NAP1L4: variants seen among roughly 807,000 people sequenced by gnomAD.
NAP1L4 encodes nucleosome assembly protein 1-like 4.
In NAP1L4, 15 loss-of-function variants were observed where a neutral mutation model predicts 58.2. The ratio of observed to expected loss-of-function variants is 0.26; its 90% CI spans 0.17 to 0.40. The LOEUF (loss-of-function observed/expected upper bound fraction) is 0.40. Among genes scored for constraint, NAP1L4 ranks in the 10% least tolerant of loss-of-function variants. The probability of loss-of-function intolerance (pLI) is 1.00; values close to 1 mark genes in which losing one functional copy is unlikely to be tolerated. For missense variants in NAP1L4, 384 were observed against 451.1 expected (o/e 0.85, Z 1.35); for synonymous variants, 171 against 155.6 (o/e 1.10, Z -0.74).
rs1449222360 is a variant in NAP1L4 at position 2,954,655 on chromosome 11, G to T, written c.916-9C>A. 6.2e-7 allele frequency: 1 copy of T among 1,614,100 alleles called. No individual in the cohort carries two copies. Among genetic ancestry groups the T allele is most frequent in the Non-Finnish European group, 8.5e-7 (1 of 1,180,014 alleles). ...AATTCAGAATCTTCATCCTGAGGAGGAAAAACCTACGTGTTAACTCATTTT... is the reference window on the plus strand; with the variant it reads ...AATTCAGAATCTTCATCCTGAGGAGTAAAAACCTACGTGTTAACTCATTTT... On this transcript the variant is annotated splice_polypyrimidine_tract_variant and intron_variant, in intron 11 of 15. Transcript: ENST00000380542. This position sits in a 1 kb window ranked among gnomAD's most constrained non-coding sequence, Gnocchi z 4.8.
Position 2,959,233 on chromosome 11 carries a change from G to A in NAP1L4, c.746+537C>T, listed in dbSNP as rs979004845. Among the ~76,000 whole-genome samples, 4 of 152,234 alleles carry A rather than the reference G, an allele frequency of 2.6e-5. No homozygotes were observed. The highest frequency in any genetic ancestry group is 5.9e-5 in the Non-Finnish European group (4 of 68,038). ...TTACTTCTGGTAAATAAACGTAATT[G>A]TTTCAAGTCAAGACTAAAACCATTT... is the stretch of plus-strand genomic sequence containing the variant. On this transcript the variant is annotated intron_variant, in intron 9 of 15. Coordinates refer to ENST00000380542, the MANE Select transcript of NAP1L4 (RefSeq NM_005969.4). This position sits in a 1 kb window ranked among gnomAD's most constrained non-coding sequence, Gnocchi z 4.9.
intron 15 of NAP1L4, among the ~76,000 whole-genome samples, chr11:2,947,337 G>A (rs553330580): frequency 6.6e-5 from 10 of 152,366 alleles, no homozygotes; most frequent in Admixed American, 3.3e-4. Flanking sequence ...AAGACTGCTA[G>A]AGGGAATAGA....
chr11:2,991,891 G>T (rs1028029786), intron 1 of NAP1L4: 3 of 152,198 alleles, frequency 2.0e-5, no homozygotes, highest in Non-Finnish European at 2.9e-5. Context: ...AGATTTGAGC[G>T]GCCGCCGCCT....
intron 1 of NAP1L4, among the ~76,000 whole-genome samples, chr11:2,980,049 T>C (rs1277055947): frequency 1.3e-5 from 2 of 152,220 alleles, no homozygotes; most frequent in African/African-American, 4.8e-5. Context: ...AAACCTTGTG[T>C]AATATACTCA....
intron 1 of NAP1L4, chr11:2,990,435 C>T (rs1280971530): frequency 1.3e-5 from 2 of 152,160 alleles, no homozygotes; most frequent in African/African-American, 4.8e-5. Context: ...CTTCATTTTA[C>T]ATTTGCATAT....
intron 8 of NAP1L4, among the ~76,000 whole-genome samples, chr11:2,961,448 C>G (rs533182744): frequency 2.0e-5 from 3 of 149,996 alleles, no homozygotes; most frequent in Non-Finnish European, 3.0e-5. Flanking sequence ...GAGGCAGCTA[C>G]AGGGAATCAG....
chr11:2,951,741 TCAGGGAGGTAAGTGGCACTGCATAAACC>T lies in NAP1L4; in HGVS notation c.1065+11_1065+38del, dbSNP rs1564972842. 4 of 1,608,968 alleles carry T rather than the reference TCAGGGAGGTAAGTGGCACTGCATAAACC, an allele frequency of 2.5e-6. No homozygotes were observed. The Admixed American group carries it at 6.7e-5, about 27-fold the overall frequency. On this transcript the variant is annotated intron_variant, in intron 13 of 15. Coordinates refer to ENST00000380542, the MANE Select transcript of NAP1L4 (RefSeq NM_005969.4). This position sits in a 1 kb window ranked among gnomAD's most constrained non-coding sequence, Gnocchi z 4.0. ...AGCAGAGAAAGCCAAAGAAACAACT[TCAGGGAGGTAAGTGGCACTGCATAAACC>T]TGTCTCTTACCTCCTCTTCTCCTTC...
Position 2,946,114 on chromosome 11 carries a change from T to G in NAP1L4, c.*33-468A>C, listed in dbSNP as rs575868719. Among the ~76,000 whole-genome samples the G allele has an allele frequency of 3.3e-3, 508 of 152,276 alleles. 3 individuals carry two copies. Among genetic ancestry groups the G allele is most frequent in the African/African-American group, 0.012 (483 of 41,544 alleles). ...GGGTAGGCTGGGCCCTTGGCGCTCA[T>G]GGAAAGCACATCTCTCCTCTAGCGG... On this transcript the variant is annotated intron_variant, in intron 15 of 15. Transcript: ENST00000380542. This position sits in a 1 kb window ranked among gnomAD's most constrained non-coding sequence, Gnocchi z 4.8.
chr11:2,990,960 G>T (rs991812815), intron 1 of NAP1L4: 2 of 367,606 alleles, frequency 5.4e-6, no homozygotes, highest in Admixed American at 3.4e-5. Flanking sequence ...TAAGGTAAGA[G>T]AATTTTTAAA....
chr11:2,973,886 A>G (rs983254504), intron 4 of NAP1L4, among the ~76,000 whole-genome samples: 4 of 152,020 alleles, frequency 2.6e-5, no homozygotes. Flanking sequence ...CTCCCACCTC[A>G]GCATCCTGAA....
chr11:2,975,421 A>G (rs547695146), intron 4 of NAP1L4, among the ~76,000 whole-genome samples: 2 of 152,280 alleles, frequency 1.3e-5, no homozygotes, highest in Non-Finnish European at 2.9e-5. Flanking sequence ...CATCTAGCAC[A>G]TAGGCCTCTC....
rs774865582 is a variant in NAP1L4, at chr11:2,954,199, T to TA, written c.1035+327dup. ...AATGTTTGTTGTGGCCAGACCTCCA[T>TA]AAAAGAGATATTCCCTGTGTTCACA... On this transcript the variant is annotated intron_variant, in intron 12 of 15. Transcript: ENST00000380542. The surrounding 1 kb of genome is among the most constrained non-coding windows in gnomAD (Gnocchi z 4.8). 1 of 366,016 alleles carries TA rather than the reference T, an allele frequency of 2.7e-6. No individual in the cohort carries two copies. The highest frequency in any genetic ancestry group is 5.1e-6 in the Non-Finnish European group (1 of 197,130). 22.7% of individuals were successfully genotyped at this position (366,016 alleles called of 1,614,324 possible). A position where few individuals can be genotyped will look rare whatever the true frequency, so the allele number is the denominator to read the frequency against.
At chr11:2,988,434 A>T (rs1186262798) in intron 1 of NAP1L4, among the ~76,000 whole-genome samples, 1 of 152,236 alleles carries the variant, frequency 6.6e-6, no homozygotes, top group Non-Finnish European at 1.5e-5. Flanking sequence ...TCTGTCTCCC[A>T]TAGCAGAAAC....
At chr11:2,967,491 G>A (rs1847354212) in intron 7 of NAP1L4, among the ~76,000 whole-genome samples, 1 of 151,802 alleles carries the variant, frequency 6.6e-6, no homozygotes, top group Admixed American at 6.6e-5. Flanking sequence ...GATGCCTGTA[G>A]TCCCAGCTAC....
In NAP1L4 at chr11:2,945,590, G is replaced by GGCACCCGCCTCC; in HGVS notation, c.*77_*88dup. ...TGGAGTCCCGACAGCCGGTCTGCCA[G>GGCACCCGCCTCC]GCACCCGCCTCCGCTTCCTACTGCT... is the stretch of plus-strand genomic sequence containing the variant. On this transcript the variant is annotated 3_prime_UTR_variant, in exon 16 of 16. Coordinates refer to ENST00000380542, the MANE Select transcript of NAP1L4 (RefSeq NM_005969.4). The GGCACCCGCCTCC allele has an allele frequency of 1.3e-6, 2 of 1,535,862 alleles. No individual in the cohort carries two copies. The highest frequency in any genetic ancestry group is 2.4e-5 in the South Asian group (2 of 84,050).
At chr11:2,978,776 C>G (rs1428314833) in intron 2 of NAP1L4, among the ~76,000 whole-genome samples, 1 of 152,168 alleles carries the variant, frequency 6.6e-6, no homozygotes, top group Non-Finnish European at 1.5e-5. Context: ...TTAGCCACAA[C>G]AAGTGTAAAA....
In NAP1L4 at chr11:2,976,138, G is replaced by T. The variant is rs781596267; in HGVS notation, c.74-15C>A. 1 of 1,596,996 alleles carries T rather than the reference G, an allele frequency of 6.3e-7. No individual in the cohort carries two copies. Among genetic ancestry groups the T allele is most frequent in the Admixed American group, 1.7e-5 (1 of 57,782 alleles). On this transcript the variant is annotated splice_polypyrimidine_tract_variant and intron_variant, in intron 3 of 15. Coordinates refer to ENST00000380542, the MANE Select transcript of NAP1L4 (RefSeq NM_005969.4). Reference sequence around the variant, plus strand: ...TGTGAGCTTTTCTATGAAGAGTTAAGACCAAACATATTTAAAATATGCCCA... The same window carrying T: ...TGTGAGCTTTTCTATGAAGAGTTAATACCAAACATATTTAAAATATGCCCA...
At chr11:2,987,647 C>G (rs1848715376) in intron 1 of NAP1L4, among the ~76,000 whole-genome samples, 2 of 146,478 alleles carry the variant, frequency 1.4e-5, no homozygotes, top group Admixed American at 6.9e-5. Context: ...ATCCCAGCTA[C>G]TTGGGAGGCT....
chr11:2,947,430 G>A (rs987175978), intron 15 of NAP1L4, among the ~76,000 whole-genome samples: 1 of 152,222 alleles, frequency 6.6e-6, no homozygotes, highest in African/African-American at 2.4e-5. Context: ...CTGACTCTGG[G>A]AAGAGCTGCC....
Sources: gnomAD v4.1 joint callset for allele counts (sites outside exome capture counted in the v4.1 genomes callset) on GRCh38, gnomAD v4.1.1 for gene constraint, Gnocchi (gnomAD v3.1) non-coding constraint, MANE v1.5 for transcripts, NCBI Gene and HGNC (gene_info 2026-07-23, HGNC 2026-07-21) for gene names.